TRIP12: variants seen among roughly 807,000 people sequenced by gnomAD.
TRIP12 encodes the protein E3 ubiquitin-protein ligase TRIP12.
A neutral mutation model predicts 244.2 loss-of-function variants in TRIP12; 25 were observed. That is an observed-to-expected ratio of 0.10 (90% confidence interval 0.07 to 0.14). The LOEUF (loss-of-function observed/expected upper bound fraction) is 0.14, where lower values mean the gene tolerates loss of function less well. TRIP12 is among the 10% of genes least tolerant of loss of function. TRIP12 has a pLI of 1.00. For synonymous variants in TRIP12, 905 were observed against 873.1 expected (o/e 1.04, Z -0.64); for missense variants, 1,677 against 2,486.4 (o/e 0.67, Z 6.92).
At chr2:229,889,745 T>C (rs2066885996) in intron 1 of TRIP12, among the ~76,000 whole-genome samples, 1 of 152,206 alleles carries the variant, frequency 6.6e-6, no homozygotes, top group Non-Finnish European at 1.5e-5. Flanking sequence ...CTTATAAAGA[T>C]ATAATAATAC....
intron 1 of TRIP12, among the ~76,000 whole-genome samples, chr2:229,912,649 A>T (rs1443362530): frequency 6.6e-6 from 1 of 152,138 alleles, no homozygotes; most frequent in African/African-American, 2.4e-5. Context: ...AACCTCTCTA[A>T]ACTTCCAAGT....
chr2:229,777,544 G>C, intron 36 of TRIP12, 65 bp from the exon 37 acceptor site: 1 of 1,521,198 alleles, frequency 6.6e-7, no homozygotes, highest in Non-Finnish European at 9.1e-7. Flanking sequence ...CTCCATCTAA[G>C]GCACTTCAGG....
intron 37 of TRIP12, among the ~76,000 whole-genome samples, chr2:229,776,030 A>G (rs1046263590): frequency 1.3e-4 from 20 of 152,148 alleles, no homozygotes; most frequent in African/African-American, 3.9e-4. Flanking sequence ...AGACAAGCAT[A>G]TATCACAGAG....
rs185526008 is a variant in TRIP12 at position 229,816,669 on chromosome 2, A to C, written c.1600-1361T>G. Among the ~76,000 whole-genome samples, 12 of 152,376 alleles carry C rather than the reference A, an allele frequency of 7.9e-5. No individual in the cohort carries two copies. In the East Asian group the frequency reaches 2.3e-3, roughly 29 times the overall value. On this transcript the variant is annotated intron_variant, in intron 9 of 41. Transcript: ENST00000675903. ...AATCTAATTAACAACCAGCACATTAAGTAAAGTGAATTATGTGTCAACATT... is the reference window on the plus strand; with the variant it reads ...AATCTAATTAACAACCAGCACATTACGTAAAGTGAATTATGTGTCAACATT...
Position 229,807,794 on chromosome 2 carries a change from G to C in TRIP12, c.2410C>G (p.Gln804Glu), listed in dbSNP as rs1480360757. The C allele has an allele frequency of 3.1e-6, 5 of 1,614,108 alleles. No individual in the cohort carries two copies. Among genetic ancestry groups the C allele is most frequent in the South Asian group, 1.1e-5 (1 of 91,080 alleles). ...VDTMLKKGNAQNTDGAIWQWR... is the reference protein window; with the variant it reads ...VDTMLKKGNAENTDGAIWQWR... ...TGCCATATCGCACCATCTGTGTTCT[G>C]TGCATTTCCCTTCTTCAACATGGTA... Residue 804 changes from glutamine to glutamate, a missense_variant, in exon 17 of 42, where the codon CAG becomes GAG. Coordinates refer to ENST00000675903, the MANE Select transcript of TRIP12 (RefSeq NM_001348323.3).
intron 1 of TRIP12, among the ~76,000 whole-genome samples, chr2:229,888,172 A>G (rs1007428048): frequency 6.6e-6 from 1 of 152,222 alleles, no homozygotes; most frequent in Admixed American, 6.5e-5. Context: ...TTATCAAATG[A>G]TACACATGAG....
chr2:229,808,973 G>A (rs1410257585), intron 15 of TRIP12, among the ~76,000 whole-genome samples: 3 of 152,192 alleles, frequency 2.0e-5, no homozygotes, highest in Non-Finnish European at 2.9e-5. Flanking sequence ...TGTGAGTGGA[G>A]GGAACTCTCA....
chr2:229,857,762 T>A (rs2059840050), intron 4 of TRIP12, among the ~76,000 whole-genome samples: 2 of 152,216 alleles, frequency 1.3e-5, no homozygotes, highest in South Asian at 4.1e-4. Flanking sequence ...TCTCCAAAAC[T>A]GACTCATGAA....
chr2:229,854,647 A>G (rs2059285684), intron 4 of TRIP12, among the ~76,000 whole-genome samples: 1 of 152,242 alleles, frequency 6.6e-6, no homozygotes, highest in South Asian at 2.1e-4. Flanking sequence ...CTGAACCCAG[A>G]GACAATCATA....
intron 2 of TRIP12, among the ~76,000 whole-genome samples, chr2:229,870,735 T>C (rs998461135): frequency 2.6e-5 from 4 of 152,198 alleles, no homozygotes; most frequent in South Asian, 2.1e-4. Flanking sequence ...AATCAGTAGA[T>C]AGGAATTAAG....
intron 23 of TRIP12, among the ~76,000 whole-genome samples, chr2:229,798,141 C>A (rs1391482967): frequency 6.6e-6 from 1 of 152,142 alleles, no homozygotes; most frequent in Non-Finnish European, 1.5e-5. Flanking sequence ...AAAGTACATA[C>A]ATATCTGCAT....
At chr2:229,833,575 C>A (rs1211493357) in intron 6 of TRIP12, among the ~76,000 whole-genome samples, 1 of 152,164 alleles carries the variant, frequency 6.6e-6, no homozygotes, top group Non-Finnish European at 1.5e-5. Flanking sequence ...GTGTGAGCTA[C>A]TGCCAGAAGT....
At chr2:229,768,776 T>C in intron 40 of TRIP12, 57 bp from the exon 41 acceptor site, 2 of 1,430,946 alleles carry the variant, frequency 1.4e-6, no homozygotes, top group South Asian at 2.6e-5. Context: ...AGAGTTTTAA[T>C]CACACTGCAT....
At chr2:229,810,853 A>G (rs761417784) in intron 15 of TRIP12, 27 bp downstream of exon 15, 4 of 1,608,184 alleles carry the variant, frequency 2.5e-6, no homozygotes, top group Non-Finnish European at 3.4e-6. Flanking sequence ...TTTCCTGCTT[A>G]AAGTAGAACA....
chr2:229,792,597 T>A (rs571837953), intron 27 of TRIP12, among the ~76,000 whole-genome samples: 1 of 152,304 alleles, frequency 6.6e-6, no homozygotes, highest in African/African-American at 2.4e-5. Context: ...ACTTGCGATG[T>A]TCACGGCAAC....
In TRIP12 at chr2:229,778,668, A is replaced by G; in HGVS notation, c.5210-81T>C. On this transcript the variant is annotated intron_variant, in intron 35 of 41. Coordinates refer to ENST00000675903, the MANE Select transcript of TRIP12 (RefSeq NM_001348323.3). This position sits in a 1 kb window ranked among gnomAD's most constrained non-coding sequence, Gnocchi z 4.1. ...ACCTGGTAACTAAGAACATTTAAGA[A>G]ATTAAGCATTCTCAAAATTGGAGTG... 4 of 1,547,442 alleles carry G rather than the reference A, an allele frequency of 2.6e-6. No individual in the cohort carries two copies. The highest frequency in any genetic ancestry group is 2.6e-6 in the Non-Finnish European group (3 of 1,146,890).
chr2:229,788,837 C>G lies in TRIP12; in HGVS notation c.4799G>C (p.Gly1600Ala). 3.7e-6 allele frequency: 6 copies of G among 1,613,888 alleles called. No homozygotes were observed. The highest frequency in any genetic ancestry group is 1.3e-5 in the African/African-American group (1 of 74,978). ...QLQDPLVIMT[G>A]NIPTWLTELG... ...CTCAGTAAGCCATGTTGGGATGTTT[C>G]CTGTCATGATTACTAAAGGATCTTG... The change falls in exon 32 of 42, where the codon GGA (glycine) becomes GCA (alanine). Residue 1600 changes from glycine to alanine, a missense_variant. Gly to Ala is a moderately conservative substitution (Grantham distance 60). Transcript: ENST00000675903.
At position 229,836,987 on chromosome 2, in the gene TRIP12, A is replaced by G. The variant is rs1559751871; in HGVS notation, c.1134-3T>C. 3 of 1,536,946 alleles carry G rather than the reference A, an allele frequency of 2.0e-6. No homozygotes were observed. Among genetic ancestry groups the G allele is most frequent in the Non-Finnish European group, 2.6e-6 (3 of 1,147,162 alleles). The stretch of plus-strand genomic sequence containing the variant: ...TGCCCAGGCCAGAGCCTCGCCGACT[A>G]CAACAGAAAAATGTCATCATGGGCA... On this transcript the variant is annotated splice_region_variant and splice_polypyrimidine_tract_variant and intron_variant, in intron 5 of 41. Coordinates refer to ENST00000675903, the MANE Select transcript of TRIP12 (RefSeq NM_001348323.3).
chr2:229,894,444 A>T (rs927665328), intron 1 of TRIP12: 3 of 152,176 alleles, frequency 2.0e-5, no homozygotes, highest in Admixed American at 1.3e-4. Flanking sequence ...TTGTTTTTAA[A>T]GGCCTTTATC....
Sources: allele counts gnomAD v4.1 joint callset (sites outside exome capture counted in the v4.1 genomes callset), GRCh38; gene constraint gnomAD v4.1.1; non-coding constraint Gnocchi (gnomAD v3.1); transcripts MANE v1.5; gene names NCBI Gene and HGNC (gene_info 2026-07-23, HGNC 2026-07-21).